Variants in LDLRAD4 observed in about 807,000 individuals in gnomAD.
LDLRAD4 encodes low density lipoprotein receptor class A domain containing 4.
In LDLRAD4, 5 loss-of-function variants were observed where a neutral mutation model predicts 17.0. The ratio of observed to expected loss-of-function variants is 0.29; its 90% CI spans 0.15 to 0.62. LDLRAD4 has a LOEUF of 0.62. Among genes scored for constraint, LDLRAD4 ranks in the 20% least tolerant of loss-of-function variants. The pLI is 0.84. For synonymous variants in LDLRAD4, 168 were observed against 171.8 expected, an observed-to-expected ratio of 0.98 and a Z score of 0.17; for missense variants, 340 against 424.7, an observed-to-expected ratio of 0.80 and a Z score of 1.75.
At chr18:13,568,378 G>C (rs937686245) in intron 3 of LDLRAD4, among the ~76,000 whole-genome samples, 1 of 152,042 alleles carries the variant, frequency 6.6e-6, no homozygotes, top group Non-Finnish European at 1.5e-5. Flanking sequence ...CGAGGATCCA[G>C]GTTATCTCTT....
At chr18:13,420,357 A>G (rs955049307) in intron 2 of LDLRAD4, 1 of 152,248 alleles carries the variant, frequency 6.6e-6, no homozygotes, top group African/African-American at 2.4e-5. Context: ...CACTCTTAAG[A>G]TAAGCAACAA....
intron 3 of LDLRAD4, among the ~76,000 whole-genome samples, chr18:13,574,482 C>T (rs546098688): frequency 4.6e-5 from 7 of 152,262 alleles, no homozygotes; most frequent in Admixed American, 2.0e-4. Flanking sequence ...ATGTCCTGTT[C>T]GTCTTTGTAC....
chr18:13,637,672 C>T (rs765901215), intron 4 of LDLRAD4, among the ~76,000 whole-genome samples: 60 of 151,812 alleles, frequency 4.0e-4, no homozygotes, highest in Non-Finnish European at 7.2e-4. Context: ...TCGAGACAAA[C>T]CTGGCCAACA....
At chr18:13,557,282 A>G (rs1396923246) in intron 3 of LDLRAD4, among the ~76,000 whole-genome samples, 1 of 145,106 alleles carries the variant, frequency 6.9e-6, no homozygotes, top group African/African-American at 2.5e-5. Flanking sequence ...TGGGTGACAG[A>G]GTGAGATCCT....
chr18:13,360,467 G>C (rs1262055693), intron 1 of LDLRAD4, among the ~76,000 whole-genome samples: 1 of 150,480 alleles, frequency 6.6e-6, no homozygotes, highest in Admixed American at 6.6e-5. Flanking sequence ...CAGTGCTGTT[G>C]TGCATTTTGC....
Position 13,645,228 on chromosome 18 carries a change from C to T in LDLRAD4, c.492C>T (p.His164=), listed in dbSNP as rs771512980. ...AGCCCACCTACCCCTATGTGCAGCA[C>T]GAGATTGATCTTCCTCCCACCATCT... Residue 164 remains histidine (H), a synonymous_variant, in exon 6 of 6, where the codon CAC becomes CAT. Coordinates refer to ENST00000359446, the Ensembl canonical transcript of LDLRAD4. The surrounding 1 kb of genome is among the most constrained non-coding windows in gnomAD (Gnocchi z 5.7). 13 of 1,613,986 alleles carry T rather than the reference C, an allele frequency of 8.1e-6. No individual in the cohort carries two copies. Among genetic ancestry groups the T allele is most frequent in the Admixed American group, 3.3e-5 (2 of 60,002 alleles).
chr18:13,462,762 G>C (rs770706801), intron 3 of LDLRAD4, among the ~76,000 whole-genome samples: 1 of 152,186 alleles, frequency 6.6e-6, no homozygotes, highest in African/African-American at 2.4e-5. Flanking sequence ...GGACAGCAAG[G>C]ATGTCTCCCA....
chr18:13,275,297 T>A (rs1406451820), upstream of LDLRAD4, among the ~76,000 whole-genome samples: 1 of 152,236 alleles, frequency 6.6e-6, no homozygotes, highest in South Asian at 2.1e-4. Context: ...GCAAGGATAT[T>A]TGACAAAAGT....
intron 3 of LDLRAD4, among the ~76,000 whole-genome samples, chr18:13,619,528 G>A (rs1281378443): frequency 6.8e-6 from 1 of 148,126 alleles, no homozygotes; most frequent in African/African-American, 2.6e-5. Flanking sequence ...GGGGGGGCGG[G>A]GGTGGCACAT....
At chr18:13,457,100 C>CG (rs1345984360) in intron 3 of LDLRAD4, among the ~76,000 whole-genome samples, 1 of 152,228 alleles carries the variant, frequency 6.6e-6, no homozygotes, top group Non-Finnish European at 1.5e-5. Context: ...CTCCACAGGC[C>CG]GGGGGGTCAG....
intron 1 of LDLRAD4, among the ~76,000 whole-genome samples, chr18:13,281,243 T>C (rs2045258164): frequency 1.3e-5 from 2 of 151,912 alleles, no homozygotes; most frequent in Non-Finnish European, 2.9e-5. Flanking sequence ...AAAAAAATTA[T>C]CTGGGCCTGG....
At chr18:13,400,702 C>T (rs906527418) in intron 2 of LDLRAD4, among the ~76,000 whole-genome samples, 2 of 152,204 alleles carry the variant, frequency 1.3e-5, no homozygotes, top group East Asian at 1.9e-4. Flanking sequence ...AGCCTTCTCT[C>T]GCACATTCTT....
chr18:13,309,584 G>C (rs1381993928), intron 1 of LDLRAD4, among the ~76,000 whole-genome samples: 4 of 152,206 alleles, frequency 2.6e-5, no homozygotes. Flanking sequence ...ACATGTTGAA[G>C]GCCATAAAGG....
chr18:13,544,894 T>A (rs1317811533), intron 3 of LDLRAD4, among the ~76,000 whole-genome samples: 1 of 151,438 alleles, frequency 6.6e-6, no homozygotes, highest in Non-Finnish European at 1.5e-5. Flanking sequence ...TCTTTTTTTT[T>A]TTTTTTTTTT....
At chr18:13,297,630 A>C (rs1341139490) in intron 1 of LDLRAD4, among the ~76,000 whole-genome samples, 2 of 152,180 alleles carry the variant, frequency 1.3e-5, no homozygotes, top group African/African-American at 4.8e-5. Flanking sequence ...CCCTGTCTCT[A>C]CAAAAAAGTT....
chr18:13,486,189 C>T (rs1370076836), intron 3 of LDLRAD4, among the ~76,000 whole-genome samples: 1 of 152,084 alleles, frequency 6.6e-6, no homozygotes, highest in Non-Finnish European at 1.5e-5. Flanking sequence ...GCTGCGGAAC[C>T]CACATAATGA....
chr18:13,269,144 C>T (rs182484017), intron 1 of LDLRAD4, among the ~76,000 whole-genome samples: 2 of 152,294 alleles, frequency 1.3e-5, no homozygotes, highest in East Asian at 1.9e-4. Context: ...TCTTTGAATG[C>T]GAGAGGGCTG....
intron 3 of LDLRAD4, among the ~76,000 whole-genome samples, chr18:13,517,171 G>A (rs2093880213): frequency 6.6e-6 from 1 of 152,182 alleles, no homozygotes; most frequent in East Asian, 1.9e-4. Context: ...TTTAAAAATG[G>A]CTTATTAAAT....
At position 13,439,668 on chromosome 18, in the gene LDLRAD4, C is replaced by T. The variant is rs114502440; in HGVS notation, c.181+1284C>T. Among the ~76,000 whole-genome samples the T allele has an allele frequency of 4.8e-3, 727 of 152,278 alleles. 13 individuals carry two copies. The highest frequency in any genetic ancestry group is 0.017 in the African/African-American group (702 of 41,566). On this transcript the variant is annotated intron_variant, in intron 3 of 5. Coordinates refer to ENST00000359446, the Ensembl canonical transcript of LDLRAD4. ...TGCTCCCCCAAGGCCCAGGATGGCC[C>T]GGAGGCACTTGCTCTGGGTGTGCTA...
Sources: gnomAD v4.1 joint callset for allele counts (sites outside exome capture counted in the v4.1 genomes callset) on GRCh38, gnomAD v4.1.1 for gene constraint, Gnocchi (gnomAD v3.1) non-coding constraint, MANE v1.5 for transcripts, NCBI Gene and HGNC (gene_info 2026-07-23, HGNC 2026-07-21) for gene names.